CADPS2: variants seen among roughly 807,000 people sequenced by gnomAD.
The protein encoded by CADPS2 is calcium-dependent secretion activator 2.
In CADPS2, 93 loss-of-function variants were observed where a neutral mutation model predicts 172.5. The ratio of observed to expected loss-of-function variants is 0.54; its 90% CI spans 0.46 to 0.64. The LOEUF (loss-of-function observed/expected upper bound fraction) is 0.64, where lower values mean the gene tolerates loss of function less well. Among genes scored for constraint, CADPS2 ranks in the 30% least tolerant of loss-of-function variants. The pLI, the probability that CADPS2 is intolerant of heterozygous loss-of-function variation, is 0.00. For synonymous variants in CADPS2, 546 were observed against 555.2 expected (o/e 0.98, Z 0.23); for missense variants, 1,420 against 1,565.9 (o/e 0.91, Z 1.57).
chr7:122,399,689 T>C (rs1480270498), intron 20 of CADPS2, among the ~76,000 whole-genome samples: 1 of 64,230 alleles, frequency 1.6e-5, no homozygotes, highest in African/African-American at 6.4e-5. Flanking sequence ...TTTTTTTTTT[T>C]TTTTTTTTTT....
intron 2 of CADPS2, among the ~76,000 whole-genome samples, chr7:122,703,929 T>C (rs530096570): frequency 2.6e-5 from 4 of 152,234 alleles, no homozygotes; most frequent in East Asian, 3.9e-4. Context: ...TTACAGAATC[T>C]TTACGGCTTT....
intron 20 of CADPS2, among the ~76,000 whole-genome samples, chr7:122,402,390 C>A (rs2046061398): frequency 6.6e-6 from 1 of 152,212 alleles, no homozygotes; most frequent in African/African-American, 2.4e-5. Context: ...GTCCTTAACT[C>A]CCTGCTGTCA....
chr7:122,689,225 T>C (rs1588436950), intron 2 of CADPS2, among the ~76,000 whole-genome samples: 1 of 152,152 alleles, frequency 6.6e-6, no homozygotes, highest in African/African-American at 2.4e-5. Context: ...CTTAACCTCC[T>C]GGGACACCCC....
intron 15 of CADPS2, among the ~76,000 whole-genome samples, chr7:122,450,819 G>A (rs768707787): frequency 3.3e-5 from 5 of 152,104 alleles, no homozygotes; most frequent in African/African-American, 4.8e-5. Context: ...ACAGGCATGA[G>A]ACTCTGTGAC....
intron 12 of CADPS2, among the ~76,000 whole-genome samples, chr7:122,479,904 C>T (rs1037845590): frequency 1.6e-4 from 25 of 152,060 alleles, no homozygotes; most frequent in African/African-American, 5.6e-4. Context: ...TTTTCTGGTT[C>T]ATTTTTGATA....
At chr7:122,350,864 T>C (rs1229255660) in intron 27 of CADPS2, among the ~76,000 whole-genome samples, 1 of 151,924 alleles carries the variant, frequency 6.6e-6, no homozygotes, top group South Asian at 2.1e-4. Flanking sequence ...TGCATCCCTG[T>C]AGTCCCAGCT....
At chr7:122,803,974 G>GAAAAAAAAAAAAAAAAAA (rs869246600) in intron 1 of CADPS2, among the ~76,000 whole-genome samples, 1 of 85,122 alleles carries the variant, frequency 1.2e-5, no homozygotes, top group African/African-American at 4.3e-5. Flanking sequence ...GGCTTGAATG[G>GAAAAAAAAAAAAAAAAAA]AAAAAAAAAA....
intron 2 of CADPS2, among the ~76,000 whole-genome samples, chr7:122,695,202 G>A (rs1165779090): frequency 2.6e-5 from 4 of 152,164 alleles, no homozygotes; most frequent in South Asian, 2.1e-4. Flanking sequence ...AGCACCACCC[G>A]ATAAGAGTTG....
At chr7:122,619,272 A>G (rs2133949216) in intron 5 of CADPS2, among the ~76,000 whole-genome samples, 1 of 152,246 alleles carries the variant, frequency 6.6e-6, no homozygotes, top group Middle Eastern at 3.4e-3. Context: ...TATAAAGATA[A>G]TGGTAGATTT....
chr7:122,337,305 C>A (rs959767386), intron 28 of CADPS2, among the ~76,000 whole-genome samples: 8 of 152,234 alleles, frequency 5.3e-5, no homozygotes, highest in Non-Finnish European at 8.8e-5. Context: ...TTCTACCAGA[C>A]CTGCCACATA....
intron 6 of CADPS2, among the ~76,000 whole-genome samples, chr7:122,581,662 A>G (rs1025463882): frequency 5.9e-5 from 9 of 152,150 alleles, no homozygotes; most frequent in African/African-American, 1.9e-4. Flanking sequence ...TTGTTTACGT[A>G]AGAGAGAGTT....
At chr7:122,510,229 GTTCT>G (rs1275244278) in intron 9 of CADPS2, among the ~76,000 whole-genome samples, 1 of 151,952 alleles carries the variant, frequency 6.6e-6, no homozygotes, top group Non-Finnish European at 1.5e-5. Context: ...CGAAATCACT[GTTCT>G]TTCAATTTGG....
Position 122,832,374 on chromosome 7 carries a change from T to C in CADPS2, c.339+53625A>G, listed in dbSNP as rs1290047339. Reference sequence around the variant, plus strand: ...GTAAAACTTTTAAAAAGTGTGAGCTTAGAGACCTGGTCTTCTAAGTGACCC... The same window carrying C: ...GTAAAACTTTTAAAAAGTGTGAGCTCAGAGACCTGGTCTTCTAAGTGACCC... On this transcript the variant is annotated intron_variant, in intron 1 of 29. Transcript: ENST00000449022. Among the ~76,000 whole-genome samples the C allele has an allele frequency of 2.4e-4, 37 of 151,956 alleles. 1 individual carries two copies. The highest frequency in any genetic ancestry group is 2.4e-3 in the Admixed American group (37 of 15,258).
At chr7:122,460,680 T>C (rs1264850774) in intron 14 of CADPS2, among the ~76,000 whole-genome samples, 1 of 151,984 alleles carries the variant, frequency 6.6e-6, no homozygotes, top group Admixed American at 6.6e-5. Context: ...GAAAATTCAG[T>C]TATTTGAAAG....
intron 8 of CADPS2, among the ~76,000 whole-genome samples, chr7:122,541,776 T>C (rs1221813458): frequency 7.0e-6 from 1 of 142,316 alleles, no homozygotes; most frequent in Admixed American, 7.3e-5. Context: ...TATATTCACA[T>C]ATATTCATAT....
chr7:122,769,151 A>G (rs957430317), intron 1 of CADPS2, among the ~76,000 whole-genome samples: 9 of 152,212 alleles, frequency 5.9e-5, no homozygotes, highest in African/African-American at 2.2e-4. Flanking sequence ...CACTGCCCTC[A>G]AGACAATTCA....
intron 17 of CADPS2, among the ~76,000 whole-genome samples, chr7:122,432,658 AAAAG>A (rs2050112757): frequency 1.3e-5 from 2 of 150,430 alleles, no homozygotes; most frequent in African/African-American, 2.4e-5. Flanking sequence ...AAAAAAAAAA[AAAAG>A]AAAAAAAGAA....
chr7:122,806,182 A>T (rs1199784617), intron 1 of CADPS2, among the ~76,000 whole-genome samples: 1 of 152,220 alleles, frequency 6.6e-6, no homozygotes, highest in African/African-American at 2.4e-5. Context: ...TATAAATTCA[A>T]GTTAGGAAAG....
At chr7:122,509,372 T>C (rs1299170258) in intron 9 of CADPS2, among the ~76,000 whole-genome samples, 1 of 152,160 alleles carries the variant, frequency 6.6e-6, no homozygotes, top group East Asian at 1.9e-4. Flanking sequence ...TATGTCTTGA[T>C]AGCCTACTGT....
Sources: allele counts gnomAD v4.1 joint callset (sites outside exome capture counted in the v4.1 genomes callset), GRCh38; gene constraint gnomAD v4.1.1; transcripts MANE v1.5; gene names NCBI Gene and HGNC (gene_info 2026-07-23, HGNC 2026-07-21).